EYS: variants seen among roughly 807,000 people sequenced by gnomAD.
EYS encodes the protein EGF-like photoreceptor maintenance factor, also known as protein eyes shut homolog.
EYS carries 250 observed loss-of-function variants against 282.1 expected under a neutral mutation model. The ratio of observed to expected loss-of-function variants is 0.89; its 90% CI spans 0.80 to 0.98. EYS has a LOEUF of 0.98. Ranked by LOEUF, EYS falls within the 50% of genes least tolerant of loss-of-function variation. The pLI, the probability that EYS is intolerant of heterozygous loss-of-function variation, is 0.00. For missense variants in EYS, 4,016 were observed against 3,709.0 expected (o/e 1.08, Z -2.15); for synonymous variants, 1,355 against 1,282.9 (o/e 1.06, Z -1.20).
intron 14 of EYS, among the ~76,000 whole-genome samples, chr6:64,961,924 T>C (rs1769933951): frequency 6.6e-6 from 1 of 152,204 alleles, no homozygotes. Flanking sequence ...TTATCTATCA[T>C]CATAATTATT....
intron 13 of EYS, among the ~76,000 whole-genome samples, chr6:65,023,575 C>A (rs562919912): frequency 2.0e-5 from 3 of 152,120 alleles, no homozygotes; most frequent in Non-Finnish European, 4.4e-5. Flanking sequence ...GGAAAAAATT[C>A]ATAGTTCCCA....
At chr6:64,270,289 T>C (rs926912743) in intron 30 of EYS, among the ~76,000 whole-genome samples, 1 of 152,060 alleles carries the variant, frequency 6.6e-6, no homozygotes, top group African/African-American at 2.4e-5. Context: ...TCATCACATG[T>C]GTCATGGTGT....
intron 33 of EYS, among the ~76,000 whole-genome samples, chr6:64,001,646 T>C (rs765180308): frequency 6.6e-6 from 1 of 152,234 alleles, no homozygotes; most frequent in Non-Finnish European, 1.5e-5. Flanking sequence ...GAAGAGTTCA[T>C]TGCTTAATTA....
intron 13 of EYS, among the ~76,000 whole-genome samples, chr6:65,007,150 A>T (rs1355248356): frequency 6.6e-6 from 1 of 152,086 alleles, no homozygotes; most frequent in Admixed American, 6.5e-5. Flanking sequence ...AGGTGAGTGT[A>T]ACTAATCAGA....
rs979932657 is a variant in EYS, at chr6:65,296,105, A to G, written c.1781T>C (p.Leu594Pro). Residue 594 changes from leucine (L) to proline (P), a missense_variant, in exon 12 of 43, where the codon CTT (leucine) becomes CCT (proline). Physicochemically the swap from Leu to Pro is moderately conservative, Grantham distance 98. Transcript: ENST00000503581. ...EINRPRCSCS[L>P]SYIGRLCVVN... ...AACACACAATCTGCCAATGTAACTA[A>G]GAGAACAGCTGCATCTGAAACACAG... 6.5e-7 allele frequency: 1 copy of G among 1,548,668 alleles called. No homozygotes were observed. Among genetic ancestry groups the G allele is most frequent in the African/African-American group, 1.4e-5 (1 of 73,102 alleles).
At chr6:65,000,006 T>C (rs1771411152) in intron 13 of EYS, among the ~76,000 whole-genome samples, 1 of 152,150 alleles carries the variant, frequency 6.6e-6, no homozygotes, top group Non-Finnish European at 1.5e-5. Flanking sequence ...TCTGTCCTTG[T>C]GACAAAGTAG....
chr6:64,784,661 C>T (rs2149996132), intron 22 of EYS, among the ~76,000 whole-genome samples: 1 of 151,944 alleles, frequency 6.6e-6, no homozygotes, highest in Middle Eastern at 3.4e-3. Context: ...TATATTACTG[C>T]TTGTTGTTGT....
At chr6:64,680,162 A>T (rs1404480510) in intron 22 of EYS, among the ~76,000 whole-genome samples, 1 of 152,206 alleles carries the variant, frequency 6.6e-6, no homozygotes, top group African/African-American at 2.4e-5. Context: ...GACTATTTGT[A>T]TGCCAAAAGT....
intron 29 of EYS, among the ~76,000 whole-genome samples, chr6:64,372,294 C>T (rs1239138414): frequency 7.2e-5 from 11 of 151,770 alleles, no homozygotes; most frequent in East Asian, 1.9e-4. Flanking sequence ...CCTTTGCTTA[C>T]GAAGCTTACT....
rs115919451 is a variant in EYS, at chr6:65,682,483, T to C, written c.-448+24652A>G. On this transcript the variant is annotated intron_variant, in intron 1 of 42. Coordinates refer to ENST00000503581, the MANE Select transcript of EYS (RefSeq NM_001142800.2). ...TACTTACATAATAAATGTTTGTTCA[T>C]TTGGTATATTATAATTTGAAAATAT... is the stretch of plus-strand genomic sequence containing the variant. Among the ~76,000 whole-genome samples the C allele has an allele frequency of 5.8e-3, 881 of 152,026 alleles. 8 individuals carry two copies. The highest frequency in any genetic ancestry group is 0.02 in the African/African-American group (843 of 41,522).
intron 35 of EYS, among the ~76,000 whole-genome samples, chr6:63,948,548 GC>G (rs1312087131): frequency 6.6e-6 from 1 of 152,170 alleles, no homozygotes; most frequent in Non-Finnish European, 1.5e-5. Context: ...AGAAAGCAAT[GC>G]CCTGTTTTTC....
At chr6:64,732,675 C>T (rs919453524) in intron 22 of EYS, among the ~76,000 whole-genome samples, 13 of 152,074 alleles carry the variant, frequency 8.5e-5, no homozygotes, top group African/African-American at 2.4e-4. Context: ...AGCTTCAAAC[C>T]CAAACCTCTA....
At chr6:65,330,794 T>A in intron 11 of EYS, 1 of 963,292 alleles carries the variant, frequency 1.0e-6, no homozygotes, top group Non-Finnish European at 1.2e-6. Context: ...TTCATTTATA[T>A]CGTCATTTTA....
At chr6:64,897,126 A>G (rs1209977326) in intron 18 of EYS, among the ~76,000 whole-genome samples, 1 of 152,142 alleles carries the variant, frequency 6.6e-6, no homozygotes, top group Non-Finnish European at 1.5e-5. Context: ...GACTGCCTCA[A>G]GTGGGTCCAG....
chr6:63,823,931 G>A (rs1210654712), intron 36 of EYS, among the ~76,000 whole-genome samples: 1 of 151,668 alleles, frequency 6.6e-6, no homozygotes, highest in Non-Finnish European at 1.5e-5. Flanking sequence ...CTCCAATTTT[G>A]TCTAGGTTAA....
At chr6:65,267,427 A>T (rs1767787389) in intron 12 of EYS, among the ~76,000 whole-genome samples, 1 of 152,082 alleles carries the variant, frequency 6.6e-6, no homozygotes, top group East Asian at 1.9e-4. Flanking sequence ...CACAGTCTTT[A>T]TAAGATATTT....
chr6:64,336,008 C>T (rs188503567), intron 29 of EYS, among the ~76,000 whole-genome samples: 1 of 151,982 alleles, frequency 6.6e-6, no homozygotes, highest in South Asian at 2.1e-4. Flanking sequence ...CCTGGAAACA[C>T]ATCAAAATAG....
chr6:65,686,207 T>C (rs1368829321), intron 1 of EYS, among the ~76,000 whole-genome samples: 1 of 152,026 alleles, frequency 6.6e-6, no homozygotes, highest in Non-Finnish European at 1.5e-5. Flanking sequence ...GAGGTCTTTA[T>C]TTAGACTGTA....
intron 12 of EYS, among the ~76,000 whole-genome samples, chr6:65,090,476 C>G (rs1458029949): frequency 1.3e-5 from 2 of 152,072 alleles, no homozygotes; most frequent in Non-Finnish European, 2.9e-5. Context: ...TGAAAATGGA[C>G]TAATACACTC....
Sources: gnomAD v4.1 joint callset for allele counts (sites outside exome capture counted in the v4.1 genomes callset) on GRCh38, gnomAD v4.1.1 for gene constraint, MANE v1.5 for transcripts, NCBI Gene and HGNC (gene_info 2026-07-23, HGNC 2026-07-21) for gene names.